Variants in MACF1 observed in about 807,000 individuals in gnomAD.
The protein encoded by MACF1 is microtubule actin crosslinking factor 1.
MACF1 carries 193 observed loss-of-function variants against 854.8 expected under a neutral mutation model. The observed-to-expected ratio is 0.23, with a 90% CI of 0.20 to 0.25. The LOEUF (loss-of-function observed/expected upper bound fraction) is 0.25, where lower values mean the gene tolerates loss of function less well. MACF1 is among the 10% of genes least tolerant of loss of function. MACF1 has a pLI of 1.00. For synonymous variants in MACF1, 3,185 were observed against 3,226.7 expected, an observed-to-expected ratio of 0.99 and a Z score of 0.44; for missense variants, 7,722 against 8,929.1, an observed-to-expected ratio of 0.86 and a Z score of 5.45.
In MACF1 at chr1:39,486,835, C is replaced by A. The variant is rs1365789191; in HGVS notation, c.*1041C>A. ...GACCATGAAAAGGGGCTGTCTGGGG[C>A]TCCTGTTTTTTAGCTGCTGTTCTTC... On this transcript the variant is annotated 3_prime_UTR_variant, in exon 101 of 101. Transcript: ENST00000564288. The A allele has an allele frequency of 6.6e-6, 1 of 152,582 alleles. No individual in the cohort carries two copies. Among genetic ancestry groups the A allele is most frequent in the Non-Finnish European group, 1.5e-5 (1 of 68,038 alleles). The allele number at this position is 152,582 out of a possible 1,614,324, so 9.5% of individuals were successfully genotyped here. A position where few individuals can be genotyped will look rare whatever the true frequency, so the allele number is the denominator to read the frequency against.
intron 23 of MACF1, among the ~76,000 whole-genome samples, chr1:39,309,073 A>G (rs900185715): frequency 5.9e-5 from 9 of 152,126 alleles, no homozygotes; most frequent in Non-Finnish European, 1.2e-4. Flanking sequence ...TTTTTCAACA[A>G]TTCTGGATGG....
At chr1:39,234,288 C>G (rs548633508) in intron 2 of MACF1, among the ~76,000 whole-genome samples, 1 of 152,222 alleles carries the variant, frequency 6.6e-6, no homozygotes, top group East Asian at 2.0e-4. Flanking sequence ...CTGGCCCGTT[C>G]TCAATGAGCT....
intron 52 of MACF1, among the ~76,000 whole-genome samples, chr1:39,378,145 A>G (rs1449425905): frequency 6.6e-6 from 1 of 152,198 alleles, no homozygotes; most frequent in African/African-American, 2.4e-5. Flanking sequence ...GTACCATTCT[A>G]GACTGAATAA....
intron 23 of MACF1, chr1:39,304,291 A>G: frequency 1.6e-6 from 1 of 612,116 alleles, no homozygotes; most frequent in Admixed American, 1.9e-5. Flanking sequence ...GTAGTGACTT[A>G]TTTCACTCTA....
At chr1:39,213,576 G>A (rs1004095085) in intron 1 of MACF1, among the ~76,000 whole-genome samples, 9 of 152,122 alleles carry the variant, frequency 5.9e-5, no homozygotes, top group African/African-American at 2.2e-4. Context: ...AGCTCAGGCA[G>A]TTTACCCGCC....
At chr1:39,328,904 C>G (rs1030517060) in intron 36 of MACF1, among the ~76,000 whole-genome samples, 2 of 152,148 alleles carry the variant, frequency 1.3e-5, no homozygotes, top group African/African-American at 4.8e-5. Context: ...GGCTACACTG[C>G]AGGCCTTTCT....
chr1:39,313,031 A>G (rs1181595270), intron 26 of MACF1, among the ~76,000 whole-genome samples: 1 of 152,144 alleles, frequency 6.6e-6, no homozygotes, highest in Non-Finnish European at 1.5e-5. Flanking sequence ...CTTTAACTTG[A>G]AATAGTTTCT....
In MACF1 at chr1:39,452,318, A is replaced by C; in HGVS notation, c.20581A>C (p.Lys6861Gln). ...CACTGTCTGTAAACTCTCTGTTTCC[A>C]AACAAAGCCGGCTTGAGCAGGCCTT... is the stretch of plus-strand genomic sequence containing the variant. ...WDTVCKLSVS[K>Q]QSRLEQALKQ... The change falls in exon 86 of 101, where the codon AAA (lysine) becomes CAA (glutamine). Residue 6861 changes from lysine (K) to glutamine (Q), a missense_variant. Transcript: ENST00000564288. The C allele has an allele frequency of 6.2e-7, 1 of 1,614,096 alleles. No individual in the cohort carries two copies. Among genetic ancestry groups the C allele is most frequent in the African/African-American group, 1.3e-5 (1 of 75,054 alleles).
intron 2 of MACF1, among the ~76,000 whole-genome samples, chr1:39,146,164 C>T (rs117014080): frequency 0.024 from 3,724 of 152,148 alleles, 84 homozygotes; most frequent in East Asian, 0.13. Context: ...AAATGTGGGC[C>T]GGGCACAGTA....
At chr1:39,419,777 C>T (rs908019138) in intron 58 of MACF1, among the ~76,000 whole-genome samples, 1 of 149,954 alleles carries the variant, frequency 6.7e-6, no homozygotes, top group Non-Finnish European at 1.5e-5. Flanking sequence ...GGACTACAGG[C>T]GTGCGCCACC....
At chr1:39,282,694 G>A (rs180683820) in intron 7 of MACF1, among the ~76,000 whole-genome samples, 2 of 152,254 alleles carry the variant, frequency 1.3e-5, no homozygotes, top group East Asian at 3.9e-4. Context: ...GGACAGGGTG[G>A]TCAGAGATGG....
chr1:39,154,903 A>G (rs990315733), intron 2 of MACF1, among the ~76,000 whole-genome samples: 1 of 152,082 alleles, frequency 6.6e-6, no homozygotes, highest in African/African-American at 2.4e-5. Context: ...CCGCTTTGTC[A>G]GCAGCTGGCC....
chr1:39,337,355 A>G (rs1571355342), intron 38 of MACF1, 24 bp downstream of exon 38: 1 of 1,609,528 alleles, frequency 6.2e-7, no homozygotes, highest in Non-Finnish European at 8.5e-7. Flanking sequence ...GACTTCCACC[A>G]CAGACACCAG....
intron 6 of MACF1, among the ~76,000 whole-genome samples, chr1:39,264,708 C>G (rs904291816): frequency 2.1e-5 from 3 of 145,840 alleles, no homozygotes; most frequent in African/African-American, 7.6e-5. Flanking sequence ...GCTCTGTCGC[C>G]CAGGCCGGAC....
chr1:39,222,559 C>T (rs1202007996), intron 1 of MACF1, among the ~76,000 whole-genome samples: 7 of 152,192 alleles, frequency 4.6e-5, no homozygotes, highest in South Asian at 4.1e-4. Flanking sequence ...AGTTCTATCA[C>T]GCCTTCCATG....
chr1:39,109,683 A>G (rs906396107), intron 2 of MACF1, among the ~76,000 whole-genome samples: 2 of 152,050 alleles, frequency 1.3e-5, no homozygotes, highest in African/African-American at 4.8e-5. Context: ...TAAGCTTTAT[A>G]ATATCCTGAA....
At chr1:39,321,461 G>A (rs2889696) in intron 31 of MACF1, among the ~76,000 whole-genome samples, 141,548 of 152,246 alleles carry the variant, frequency 0.93, 66,070 homozygotes, top group Non-Finnish European at 0.97. Context: ...CCTTCTACCC[G>A]GAGTTTTTTT....
intron 2 of MACF1, among the ~76,000 whole-genome samples, chr1:39,108,658 A>G (rs1642313505): frequency 6.6e-6 from 1 of 152,120 alleles, no homozygotes; most frequent in Admixed American, 6.6e-5. Context: ...GAGAACCAGG[A>G]TTTTATTCCT....
At chr1:39,360,764 C>G in intron 47 of MACF1, 29 bp from the exon 48 acceptor site, 160 of 1,403,974 alleles carry the variant, frequency 1.1e-4, no homozygotes, top group Non-Finnish European at 1.4e-4. Flanking sequence ...ATTGTCTCCA[C>G]TCTTTCTTTT....
Sources: gnomAD v4.1 joint callset for allele counts (sites outside exome capture counted in the v4.1 genomes callset) on GRCh38, gnomAD v4.1.1 for gene constraint, MANE v1.5 for transcripts, NCBI Gene and HGNC (gene_info 2026-07-23, HGNC 2026-07-21) for gene names.